GRIA1: variants seen among roughly 807,000 people sequenced by gnomAD.
The protein encoded by GRIA1 is glutamate ionotropic receptor AMPA type subunit 1.
In GRIA1, 31 loss-of-function variants were observed where a neutral mutation model predicts 99.2. The ratio of observed to expected loss-of-function variants is 0.31; its 90% confidence interval spans 0.23 to 0.42. The LOEUF is 0.42. Among genes scored for constraint, GRIA1 ranks in the 10% least tolerant of loss-of-function variants. The pLI is 1.00. For missense variants in GRIA1, 782 were observed against 1,157.5 expected, an observed-to-expected ratio of 0.68 and a Z score of 4.71; for synonymous variants, 438 against 432.4, an observed-to-expected ratio of 1.01 and a Z score of -0.16.
intron 10 of GRIA1, among the ~76,000 whole-genome samples, chr5:153,703,068 C>A (rs1758644596): frequency 1.3e-5 from 2 of 152,238 alleles, no homozygotes; most frequent in Non-Finnish European, 2.9e-5. Flanking sequence ...TGGAAATCAA[C>A]TTCTGAGGCC....
chr5:153,540,769 T>G (rs1196407869), intron 2 of GRIA1, among the ~76,000 whole-genome samples: 1 of 152,068 alleles, frequency 6.6e-6, no homozygotes, highest in Non-Finnish European at 1.5e-5. Flanking sequence ...AGGGGAGGCC[T>G]GTCAAAAGAG....
Position 153,811,380 on chromosome 5 carries a change from GA to G in GRIA1, c.*160del, listed in dbSNP as rs1766812534. The G allele has an allele frequency of 9.8e-6, 6 of 615,186 alleles. No individual in the cohort carries two copies. In the East Asian group the frequency reaches 1.7e-4, roughly 17 times the overall value. 38.1% of individuals were successfully genotyped at this position (615,186 alleles called of 1,614,324 possible). On this transcript the variant is annotated 3_prime_UTR_variant, in exon 16 of 16. Coordinates refer to ENST00000285900, the MANE Select transcript of GRIA1 (RefSeq NM_000827.4). ...ATTCAACAGGTTTTCCTGAAGAATT[GA>G]AAAACCATTTTGCTGTCCCTTTTCC...
Position 153,779,641 on chromosome 5 carries a change from A to G in GRIA1, c.2270+9226A>G, listed in dbSNP as rs146936595. 6.1e-4 allele frequency among the ~76,000 whole-genome samples: 92 copies of G among 152,032 alleles called. No individual in the cohort carries two copies. In the East Asian group the frequency reaches 0.016, roughly 26 times the overall value. On this transcript the variant is annotated intron_variant, in intron 13 of 15. Coordinates refer to ENST00000285900, the MANE Select transcript of GRIA1 (RefSeq NM_000827.4). ...AATGGCGCAATCTCAGCTCACTGCA[A>G]CCTCCGCCTCCTGGAGGTTCACGTG... is the stretch of plus-strand genomic sequence containing the variant.
chr5:153,494,611 G>T (rs1416832133), intron 2 of GRIA1, among the ~76,000 whole-genome samples: 2 of 152,112 alleles, frequency 1.3e-5, no homozygotes, highest in Non-Finnish European at 2.9e-5. Context: ...GTTGTTTAAG[G>T]CACAGTTTGT....
intron 5 of GRIA1, among the ~76,000 whole-genome samples, chr5:153,656,292 A>C (rs1163044509): frequency 1.3e-5 from 2 of 151,544 alleles, no homozygotes; most frequent in Non-Finnish European, 2.9e-5. Context: ...TAGTATTGAC[A>C]AAATTTTAAC....
At chr5:153,530,288 C>T (rs146073295) in intron 2 of GRIA1, among the ~76,000 whole-genome samples, 353 of 152,336 alleles carry the variant, frequency 2.3e-3, no homozygotes, top group African/African-American at 7.8e-3. Flanking sequence ...TGCTATGGTA[C>T]ACTGCTCTGT....
intron 5 of GRIA1, among the ~76,000 whole-genome samples, chr5:153,663,470 G>C (rs1230746146): frequency 6.6e-6 from 1 of 152,156 alleles, no homozygotes; most frequent in Non-Finnish European, 1.5e-5. Flanking sequence ...CTACTTACTA[G>C]CTGTTTGTCC....
intron 12 of GRIA1, among the ~76,000 whole-genome samples, chr5:153,766,432 A>T (rs1763523767): frequency 6.6e-6 from 1 of 152,202 alleles, no homozygotes; most frequent in Admixed American, 6.5e-5. Context: ...TCTCATCCTT[A>T]TAGCATAGAC....
At chr5:153,517,090 G>A (rs888270574) in intron 2 of GRIA1, among the ~76,000 whole-genome samples, 11 of 152,182 alleles carry the variant, frequency 7.2e-5, no homozygotes, top group African/African-American at 2.4e-4. Context: ...ATCCATTCAC[G>A]AATACATTGC....
At chr5:153,577,047 T>TGGATGGATGGATGGATGGAC (rs1762612158) in intron 2 of GRIA1, among the ~76,000 whole-genome samples, 1 of 122,088 alleles carries the variant, frequency 8.2e-6, no homozygotes, top group Non-Finnish European at 1.9e-5. Context: ...AATGGGTGGA[T>TGGATGGATGGATGGATGGAC]GGATGGATGG....
chr5:153,498,592 A>C (rs1166991605), intron 2 of GRIA1, among the ~76,000 whole-genome samples: 1 of 152,226 alleles, frequency 6.6e-6, no homozygotes, highest in Non-Finnish European at 1.5e-5. Context: ...ACAAGACATT[A>C]GGCACTGGCA....
intron 2 of GRIA1, among the ~76,000 whole-genome samples, chr5:153,511,025 C>T (rs1415450556): frequency 6.6e-6 from 1 of 152,000 alleles, no homozygotes; most frequent in Non-Finnish European, 1.5e-5. Context: ...TTTTGAAGAC[C>T]CTTTAAAATG....
At chr5:153,628,391 T>A (rs1767839023) in intron 2 of GRIA1, among the ~76,000 whole-genome samples, 1 of 152,246 alleles carries the variant, frequency 6.6e-6, no homozygotes, top group Non-Finnish European at 1.5e-5. Flanking sequence ...CATTTCTGTG[T>A]GCCCTTGAAC....
chr5:153,627,174 T>G (rs1767709326), intron 2 of GRIA1, among the ~76,000 whole-genome samples: 1 of 152,304 alleles, frequency 6.6e-6, no homozygotes, highest in Non-Finnish European at 1.5e-5. Context: ...CAATATAGCC[T>G]CAGATAACTG....
intron 4 of GRIA1, among the ~76,000 whole-genome samples, chr5:153,652,635 C>T (rs1351647857): frequency 6.6e-6 from 1 of 152,146 alleles, no homozygotes; most frequent in African/African-American, 2.4e-5. Flanking sequence ...AAAGAAGTGA[C>T]CCGTTTGTAT....
chr5:153,575,947 A>C (rs74587885), intron 2 of GRIA1, among the ~76,000 whole-genome samples: 2 of 152,212 alleles, frequency 1.3e-5, no homozygotes, highest in Non-Finnish European at 2.9e-5. Flanking sequence ...AAAGAATTAC[A>C]TTCATCCTGA....
intron 12 of GRIA1, among the ~76,000 whole-genome samples, chr5:153,766,657 T>G (rs1763538466): frequency 6.6e-6 from 1 of 152,186 alleles, no homozygotes; most frequent in South Asian, 2.1e-4. Context: ...ATGGTCTTAA[T>G]GTGGTGGTGT....
chr5:153,623,461 C>T (rs1767265860), intron 2 of GRIA1, among the ~76,000 whole-genome samples: 1 of 152,142 alleles, frequency 6.6e-6, no homozygotes, highest in African/African-American at 2.4e-5. Flanking sequence ...AGTGACAGCC[C>T]AGGATGGAGC....
intron 2 of GRIA1, among the ~76,000 whole-genome samples, chr5:153,530,912 A>C (rs1252463682): frequency 1.3e-5 from 2 of 152,252 alleles, no homozygotes; most frequent in African/African-American, 4.8e-5. Flanking sequence ...ATGCAGTGAC[A>C]GTAAGATAGA....
Sources: gnomAD v4.1 joint callset for allele counts (sites outside exome capture counted in the v4.1 genomes callset) on GRCh38, gnomAD v4.1.1 for gene constraint, MANE v1.5 for transcripts, NCBI Gene and HGNC (gene_info 2026-07-23, HGNC 2026-07-21) for gene names.